SORCS1: variants seen among roughly 807,000 people sequenced by gnomAD.
SORCS1 encodes VPS10 domain-containing receptor SorCS1.
SORCS1 carries 60 observed loss-of-function variants against 146.1 expected under a neutral mutation model. The ratio of observed to expected loss-of-function variants is 0.41; its 90% CI spans 0.33 to 0.51. SORCS1 has a LOEUF of 0.51. Among genes scored for constraint, SORCS1 ranks in the 20% least tolerant of loss-of-function variants. The pLI is 0.21. For synonymous variants in SORCS1, 637 were observed against 584.0 expected (o/e 1.09, Z -1.31); for missense variants, 1,352 against 1,487.6 (o/e 0.91, Z 1.50).
In SORCS1 at chr10:107,060,105, G is replaced by A. The variant is rs898552372; in HGVS notation, c.559-103525C>T. 1.1e-4 allele frequency among the ~76,000 whole-genome samples: 16 copies of A among 151,658 alleles called. No homozygotes were observed. Among genetic ancestry groups the A allele is most frequent in the African/African-American group, 3.4e-4 (14 of 41,254 alleles). On this transcript the variant is annotated intron_variant, in intron 1 of 25. Transcript: ENST00000263054. This position sits in a 1 kb window ranked among gnomAD's most constrained non-coding sequence, Gnocchi z 4.1. The stretch of plus-strand genomic sequence containing the variant: ...ATAGCTGTACTCTAGCTGACAAATC[G>A]CCTGCCAGACCTCATCACACACACA...
chr10:107,131,085 A>G (rs1966863456), intron 1 of SORCS1, among the ~76,000 whole-genome samples: 2 of 152,336 alleles, frequency 1.3e-5, no homozygotes, highest in South Asian at 4.1e-4. Flanking sequence ...TGTTGCAAAC[A>G]CCACGTGTAG....
intron 1 of SORCS1, among the ~76,000 whole-genome samples, chr10:106,958,219 G>A (rs1052789924): frequency 6.6e-6 from 1 of 152,182 alleles, no homozygotes; most frequent in African/African-American, 2.4e-5. Context: ...TTATGGGTTT[G>A]CTCAGTTTTC....
intron 24 of SORCS1, among the ~76,000 whole-genome samples, chr10:106,580,603 A>G (rs970803212): frequency 2.6e-5 from 4 of 152,170 alleles, no homozygotes; most frequent in African/African-American, 9.6e-5. Context: ...ATACCCAGAA[A>G]TACAGGTGAC....
intron 6 of SORCS1, among the ~76,000 whole-genome samples, chr10:106,711,528 C>T (rs150834474): frequency 3.7e-4 from 57 of 152,294 alleles, no homozygotes; most frequent in African/African-American, 1.0e-3. Flanking sequence ...GGCATGCACT[C>T]TTGCTCCCTC....
chr10:107,175,433 T>C, the SORCS1 span, among the ~76,000 whole-genome samples: 5 of 148,440 alleles, frequency 3.4e-5, no homozygotes, highest in East Asian at 9.7e-4. Flanking sequence ...CCTATTTAGA[T>C]TTCTTTCTTT....
At position 106,675,175 on chromosome 10, in the gene SORCS1, T is replaced by C; in HGVS notation, c.1833-19A>G. ...ACTCAACCTAATGATATAAAAAATA[T>C]CAGTCATCAGATCTCCAAAGGAAAA... is the stretch of plus-strand genomic sequence containing the variant. On this transcript the variant is annotated intron_variant, in intron 13 of 25. Transcript: ENST00000263054. 1.9e-6 allele frequency: 3 copies of C among 1,564,468 alleles called. No individual in the cohort carries two copies. The highest frequency in any genetic ancestry group is 2.6e-6 in the Non-Finnish European group (3 of 1,136,460).
intron 24 of SORCS1, among the ~76,000 whole-genome samples, chr10:106,588,587 C>T (rs371909774): frequency 3.9e-5 from 6 of 152,038 alleles, no homozygotes; most frequent in Non-Finnish European, 7.4e-5. Flanking sequence ...TGGGGCCGGG[C>T]GCGGTGGCTC....
intron 1 of SORCS1, among the ~76,000 whole-genome samples, chr10:107,134,694 A>G (rs527964166): frequency 6.6e-6 from 1 of 152,304 alleles, no homozygotes; most frequent in Admixed American, 6.5e-5. Flanking sequence ...ACTGGACCAC[A>G]ATGTAAGGGT....
chr10:107,048,410 T>G (rs1959724474), intron 1 of SORCS1, among the ~76,000 whole-genome samples: 1 of 152,216 alleles, frequency 6.6e-6, no homozygotes, highest in African/African-American at 2.4e-5. Flanking sequence ...TTAACACTAC[T>G]TTAAATCCTA....
chr10:107,085,040 G>C (rs1261554581), intron 1 of SORCS1, among the ~76,000 whole-genome samples: 1 of 152,118 alleles, frequency 6.6e-6, no homozygotes, highest in Non-Finnish European at 1.5e-5. Context: ...AGCCCTCAAA[G>C]CTTTTGTTTT....
At chr10:106,607,434 G>A (rs1846681366) in intron 22 of SORCS1, 137 bp from the exon 23 acceptor site, 1 of 1,195,564 alleles carries the variant, frequency 8.4e-7, no homozygotes, top group East Asian at 2.6e-5. Flanking sequence ...GGCATATCAG[G>A]CAGGGAGTAT....
At chr10:106,829,749 A>G (rs1479492525) in intron 2 of SORCS1, 76 bp from the exon 3 acceptor site, 3 of 1,062,412 alleles carry the variant, frequency 2.8e-6, no homozygotes, top group Non-Finnish European at 2.8e-6. Context: ...TGCATGCTTT[A>G]CACAGTAGAA....
chr10:106,962,444 G>A (rs1191022406), intron 1 of SORCS1, among the ~76,000 whole-genome samples: 1 of 149,844 alleles, frequency 6.7e-6, no homozygotes, highest in African/African-American at 2.5e-5. Flanking sequence ...AAGAAAATGG[G>A]GACATATCTC....
chr10:107,044,913 G>T (rs1399824955), intron 1 of SORCS1, among the ~76,000 whole-genome samples: 1 of 151,506 alleles, frequency 6.6e-6, no homozygotes, highest in African/African-American at 2.4e-5. Flanking sequence ...GTTTTATATT[G>T]AAGGGTTAAC....
chr10:106,997,995 C>T (rs1275928251), intron 1 of SORCS1, among the ~76,000 whole-genome samples: 2 of 152,224 alleles, frequency 1.3e-5, no homozygotes, highest in African/African-American at 4.8e-5. Flanking sequence ...GATTTGTTCA[C>T]TGTCTGCTTC....
intron 2 of SORCS1, among the ~76,000 whole-genome samples, chr10:106,879,232 C>A (rs1950723676): frequency 1.3e-5 from 2 of 151,964 alleles, no homozygotes; most frequent in South Asian, 4.1e-4. Flanking sequence ...TAACTGATGA[C>A]CACACTGCTC....
At chr10:106,886,181 G>T (rs1015460159) in intron 2 of SORCS1, among the ~76,000 whole-genome samples, 5 of 152,232 alleles carry the variant, frequency 3.3e-5, no homozygotes, top group Admixed American at 2.6e-4. Context: ...AGAAGCACTT[G>T]AACCCAGGAG....
intron 1 of SORCS1, among the ~76,000 whole-genome samples, chr10:107,091,573 A>T (rs1202913226): frequency 6.6e-6 from 1 of 152,182 alleles, no homozygotes; most frequent in African/African-American, 2.4e-5. Context: ...TTAACATTTT[A>T]TGCATGGGCA....
intron 24 of SORCS1, among the ~76,000 whole-genome samples, chr10:106,592,264 G>A (rs1204967718): frequency 6.6e-6 from 1 of 152,124 alleles, no homozygotes; most frequent in Non-Finnish European, 1.5e-5. Context: ...AACAAAACAA[G>A]GACTACATTC....
Sources: allele counts gnomAD v4.1 joint callset (sites outside exome capture counted in the v4.1 genomes callset), GRCh38; gene constraint gnomAD v4.1.1; non-coding constraint Gnocchi (gnomAD v3.1); transcripts MANE v1.5; gene names NCBI Gene and HGNC (gene_info 2026-07-23, HGNC 2026-07-21).